Variants in CDK14 observed in about 807,000 individuals in gnomAD.
CDK14 encodes the protein cyclin-dependent kinase 14.
CDK14 carries 34 observed loss-of-function variants against 60.7 expected under a neutral mutation model. The ratio of observed to expected loss-of-function variants is 0.56; its 90% CI spans 0.43 to 0.75. The LOEUF (loss-of-function observed/expected upper bound fraction) is 0.75. Among genes scored for constraint, CDK14 ranks in the 30% least tolerant of loss-of-function variants. The pLI is 0.00. For synonymous variants in CDK14, 197 were observed against 203.7 expected, an observed-to-expected ratio of 0.97 and a Z score of 0.28; for missense variants, 482 against 564.1, an observed-to-expected ratio of 0.85 and a Z score of 1.47.
chr7:90,849,130 G>A (rs1283552292), intron 5 of CDK14, among the ~76,000 whole-genome samples: 2 of 152,122 alleles, frequency 1.3e-5, no homozygotes, highest in Admixed American at 1.3e-4. Context: ...CGTGGGGGCG[G>A]ATCCCTCATG....
chr7:91,054,917 G>A (rs1464975753), intron 11 of CDK14, among the ~76,000 whole-genome samples: 3 of 152,130 alleles, frequency 2.0e-5, no homozygotes, highest in African/African-American at 4.8e-5. Flanking sequence ...TGGAATCATC[G>A]GAGGGTTTTG....
At chr7:90,809,007 C>T (rs906115972) in intron 5 of CDK14, among the ~76,000 whole-genome samples, 3 of 152,124 alleles carry the variant, frequency 2.0e-5, no homozygotes, top group Non-Finnish European at 4.4e-5. Context: ...CTTAGACTCC[C>T]ATACAATAAT....
chr7:90,849,181 A>G (rs1260976431), intron 5 of CDK14, among the ~76,000 whole-genome samples: 2 of 152,032 alleles, frequency 1.3e-5, no homozygotes, highest in African/African-American at 4.8e-5. Context: ...TTCACTTCAC[A>G]TCTGGTTGTT....
At chr7:90,665,741 A>G (rs1179944474) in intron 2 of CDK14, among the ~76,000 whole-genome samples, 1 of 152,212 alleles carries the variant, frequency 6.6e-6, no homozygotes, top group Non-Finnish European at 1.5e-5. Context: ...AAATTTCTGC[A>G]TTTGCAGCCC....
intron 9 of CDK14, among the ~76,000 whole-genome samples, chr7:90,979,067 A>G (rs1426496282): frequency 6.6e-6 from 1 of 152,162 alleles, no homozygotes; most frequent in African/African-American, 2.4e-5. Flanking sequence ...TGTAGCAACT[A>G]CTTATCTTTG....
intron 14 of CDK14, among the ~76,000 whole-genome samples, chr7:91,136,928 C>T (rs1009233598): frequency 6.6e-6 from 1 of 152,152 alleles, no homozygotes; most frequent in Non-Finnish European, 1.5e-5. Flanking sequence ...CTTTGAAATT[C>T]GCATGAGCCA....
At chr7:90,774,726 C>T (rs1047845361) in intron 4 of CDK14, among the ~76,000 whole-genome samples, 5 of 152,276 alleles carry the variant, frequency 3.3e-5, no homozygotes, top group African/African-American at 1.2e-4. Context: ...AAAGAAAATA[C>T]TCGCTTAAAA....
chr7:90,773,868 TCTCCTCTCC>T (rs1804892727), intron 4 of CDK14, among the ~76,000 whole-genome samples: 1 of 115,056 alleles, frequency 8.7e-6, no homozygotes, highest in African/African-American at 3.2e-5. Flanking sequence ...TCTCCTCTCC[TCTCCTCTCC>T]TCTCCTCTCC....
intron 8 of CDK14, among the ~76,000 whole-genome samples, chr7:90,933,495 C>T (rs1156900378): frequency 1.3e-5 from 2 of 152,124 alleles, no homozygotes; most frequent in Non-Finnish European, 2.9e-5. Context: ...TTCTATATAA[C>T]AGTTCGAGAA....
intron 2 of CDK14, among the ~76,000 whole-genome samples, chr7:90,636,714 A>G (rs1800159773): frequency 6.6e-6 from 1 of 152,194 alleles, no homozygotes; most frequent in South Asian, 2.1e-4. Context: ...GAATGGTACC[A>G]GTTCCTCCTT....
intron 14 of CDK14, among the ~76,000 whole-genome samples, chr7:91,157,168 ATG>A (rs1264176725): frequency 6.6e-6 from 1 of 152,220 alleles, no homozygotes; most frequent in African/African-American, 2.4e-5. Context: ...AGAAGAAAGA[ATG>A]TGTGTATGAA....
At chr7:90,892,099 G>A (rs1410684993) in intron 6 of CDK14, among the ~76,000 whole-genome samples, 1 of 152,132 alleles carries the variant, frequency 6.6e-6, no homozygotes, top group African/African-American at 2.4e-5. Flanking sequence ...TCCAAGAGGT[G>A]GTCTGAGTTT....
chr7:90,942,474 T>C (rs1457558791), intron 8 of CDK14, among the ~76,000 whole-genome samples: 1 of 152,234 alleles, frequency 6.6e-6, no homozygotes, highest in Admixed American at 6.5e-5. Flanking sequence ...GTTAAGGATC[T>C]GATCACAACC....
chr7:90,597,412 C>T (rs957477668), intron 1 of CDK14: 4 of 152,174 alleles, frequency 2.6e-5, no homozygotes, highest in Non-Finnish European at 5.9e-5. Flanking sequence ...GTGTTTAGGA[C>T]AGTGACGAAT....
At chr7:90,983,425 G>A (rs1351599948) in intron 9 of CDK14, among the ~76,000 whole-genome samples, 1 of 152,082 alleles carries the variant, frequency 6.6e-6, no homozygotes, top group African/African-American at 2.4e-5. Flanking sequence ...CATGCCTGTA[G>A]TCCCAGCACT....
intron 2 of CDK14, among the ~76,000 whole-genome samples, chr7:90,615,022 T>C (rs1212148704): frequency 6.6e-6 from 1 of 152,132 alleles, no homozygotes; most frequent in Non-Finnish European, 1.5e-5. Flanking sequence ...TGCAACATTA[T>C]ATGATTAATT....
chr7:91,140,173 C>T (rs1192883681), intron 14 of CDK14, among the ~76,000 whole-genome samples: 3 of 152,142 alleles, frequency 2.0e-5, no homozygotes, highest in Admixed American at 6.6e-5. Flanking sequence ...CTTTTAAAAC[C>T]GAGGATCATG....
At chr7:91,175,259 A>T (rs1355375891) in intron 14 of CDK14, among the ~76,000 whole-genome samples, 1 of 152,188 alleles carries the variant, frequency 6.6e-6, no homozygotes, top group Non-Finnish European at 1.5e-5. Flanking sequence ...GCAAATGCTG[A>T]GAGATTTTTG....
intron 2 of CDK14, among the ~76,000 whole-genome samples, chr7:90,620,942 C>T (rs957503209): frequency 1.3e-5 from 2 of 152,194 alleles, no homozygotes; most frequent in African/African-American, 2.4e-5. Context: ...GCTATGACCA[C>T]GTGTTACTGG....
Sources: gnomAD v4.1 joint callset for allele counts (sites outside exome capture counted in the v4.1 genomes callset) on GRCh38, gnomAD v4.1.1 for gene constraint, MANE v1.5 for transcripts, NCBI Gene and HGNC (gene_info 2026-07-23, HGNC 2026-07-21) for gene names.